PCDHB6: variants seen among roughly 807,000 people sequenced by gnomAD.
PCDHB6 encodes protocadherin beta 6.
For synonymous variants in PCDHB6, 506 were observed against 459.0 expected (o/e 1.10, Z -1.31); for missense variants, 1,137 against 1,010.1 (o/e 1.13, Z -1.70).
At position 141,151,076 on chromosome 5, in the gene PCDHB6, T is replaced by C; in HGVS notation, c.819T>C (p.Phe273=). 6.2e-7 allele frequency: 1 copy of C among 1,614,246 alleles called. No individual in the cohort carries two copies. Among genetic ancestry groups the C allele is most frequent in the Non-Finnish European group, 8.5e-7 (1 of 1,180,044 alleles). ...VSARDLDAGS[F]GKVSYALFQV... is the part of the protein sequence containing the mutation. ...CCAGAGATTTAGATGCAGGATCGTTTGGGAAGGTATCTTACGCCCTGTTTC... is the reference window on the plus strand; with the variant it reads ...CCAGAGATTTAGATGCAGGATCGTTCGGGAAGGTATCTTACGCCCTGTTTC... The change falls in exon 1 of 1, where the codon TTT becomes TTC. Residue 273 remains phenylalanine (F), a synonymous_variant. Coordinates refer to ENST00000231136, the MANE Select transcript of PCDHB6 (RefSeq NM_018939.4).
At position 141,152,331 on chromosome 5, in the gene PCDHB6, T is replaced by C. The variant is rs782278122; in HGVS notation, c.2074T>C (p.Leu692=). The change falls in exon 1 of 1, where the codon TTG becomes CTG. Residue 692 remains leucine (L), a synonymous_variant. Coordinates refer to ENST00000231136, the MANE Select transcript of PCDHB6 (RefSeq NM_018939.4). The part of the protein sequence containing the change: ...DSLTVYLVVA[L]ASVSSLFLFS... ...TCTCACCGTCTACCTGGTGGTGGCG[T>C]TGGCCTCGGTGTCGTCGCTCTTCCT... 1 of 1,609,338 alleles carries C rather than the reference T, an allele frequency of 6.2e-7. No homozygotes were observed. The highest frequency in any genetic ancestry group is 8.5e-7 in the Non-Finnish European group (1 of 1,179,830).
At position 141,151,509 on chromosome 5, in the gene PCDHB6, AC is replaced by A. The variant is rs1456389248; in HGVS notation, c.1253del (p.Thr418IlefsTer12). ...AGAGAGCAGAGCCGAGTACAACATC[AC>A]TATCACGGTCACTGATTTGGGGACA... Reference protein sequence around the residue: ...DRESRAEYNITITVTDLGTPR... With the variant: ...DRESRAEYNIXITVTDLGTPR... On this transcript the variant is annotated frameshift_variant, in exon 1 of 1. Coordinates refer to ENST00000231136, the MANE Select transcript of PCDHB6 (RefSeq NM_018939.4). LOFTEE classifies it low-confidence loss of function (END_TRUNC). The A allele has an allele frequency of 1.2e-6, 2 of 1,614,150 alleles. No individual in the cohort carries two copies. Among genetic ancestry groups the A allele is most frequent in the East Asian group, 4.5e-5 (2 of 44,882 alleles).
rs1437735632 is a variant in PCDHB6 at position 141,152,138 on chromosome 5, G to A, written c.1881G>A (p.Leu627=). The change falls in exon 1 of 1, where the codon CTG becomes CTA. Residue 627 remains leucine (L), a synonymous_variant. Coordinates refer to ENST00000231136, the MANE Select transcript of PCDHB6 (RefSeq NM_018939.4). The part of the protein sequence containing the change: ...AHNGEVRTAR[L]LSERDAAKHR... ...ATGGCGAGGTGCGCACCGCCAGGCTGCTGAGCGAGCGAGACGCAGCCAAGC... is the reference window on the plus strand; with the variant it reads ...ATGGCGAGGTGCGCACCGCCAGGCTACTGAGCGAGCGAGACGCAGCCAAGC... 4 of 1,607,584 alleles carry A rather than the reference G, an allele frequency of 2.5e-6. No homozygotes were observed. Among genetic ancestry groups the A allele is most frequent in the Non-Finnish European group, 2.5e-6 (3 of 1,179,716 alleles).
At position 141,152,782 on chromosome 5, in the gene PCDHB6, T is replaced by C. The variant is rs1554278108; in HGVS notation, c.*140T>C. Reference sequence around the variant, plus strand: ...AAAGTAAGATACTGGTATCTTAGTATTTCCTGTTCATGCTTAGTAGTTTAT... The same window carrying C: ...AAAGTAAGATACTGGTATCTTAGTACTTCCTGTTCATGCTTAGTAGTTTAT... On this transcript the variant is annotated 3_prime_UTR_variant, in exon 1 of 1. Transcript: ENST00000231136. The C allele has an allele frequency of 2.7e-6, 2 of 730,254 alleles. No homozygotes were observed. The allele number at this position is 730,254 out of a possible 1,614,324, so 45.2% of individuals were successfully genotyped here. A position where few individuals can be genotyped will look rare whatever the true frequency, so the allele number is the denominator to read the frequency against.
rs782043599 is a variant in PCDHB6 at position 141,151,389 on chromosome 5, C to A, written c.1132C>A (p.Gln378Lys). Reference protein sequence around the residue: ...VSDADSGHNQQVICSIENNLP... With the variant: ...VSDADSGHNQKVICSIENNLP... Reference sequence around the variant, plus strand: ...AGATGCAGACTCTGGACATAACCAACAGGTTATTTGTTCAATAGAGAACAA... The same window carrying A: ...AGATGCAGACTCTGGACATAACCAAAAGGTTATTTGTTCAATAGAGAACAA... Residue 378 changes from glutamine to lysine, a missense_variant, in exon 1 of 1, where the codon CAG becomes AAG. Physicochemically the swap from Gln to Lys is moderately conservative, Grantham distance 53. Transcript: ENST00000231136. 4 of 1,614,024 alleles carry A rather than the reference C, an allele frequency of 2.5e-6. No homozygotes were observed. The highest frequency in any genetic ancestry group is 2.7e-5 in the African/African-American group (2 of 74,916).
Position 141,150,642 on chromosome 5 carries a change from G to C in PCDHB6, c.385G>C (p.Ala129Pro), listed in dbSNP as rs782350726. Residue 129 changes from alanine to proline, a missense_variant, in exon 1 of 1, where the codon GCC (alanine) becomes CCC (proline). Transcript: ENST00000231136. ...GCGAGTCAGAGATATAAATGACCACGCCCCGGAATTCCCTGCCAGAGAAAT... is the reference window on the plus strand; with the variant it reads ...GCGAGTCAGAGATATAAATGACCACCCCCCGGAATTCCCTGCCAGAGAAAT... The part of the protein sequence containing the change: ...SLRVRDINDH[A>P]PEFPAREMLL... The C allele has an allele frequency of 6.2e-7, 1 of 1,614,066 alleles. No homozygotes were observed. Among genetic ancestry groups the C allele is most frequent in the Non-Finnish European group, 8.5e-7 (1 of 1,180,020 alleles).
At position 141,152,354 on chromosome 5, in the gene PCDHB6, C is replaced by G; in HGVS notation, c.2097C>G (p.Phe699Leu). The G allele has an allele frequency of 6.2e-7, 1 of 1,610,722 alleles. No individual in the cohort carries two copies. The highest frequency in any genetic ancestry group is 8.5e-7 in the Non-Finnish European group (1 of 1,179,886). Residue 699 changes from phenylalanine to leucine, a missense_variant, in exon 1 of 1, where the codon TTC (phenylalanine) becomes TTG (leucine). Coordinates refer to ENST00000231136, the MANE Select transcript of PCDHB6 (RefSeq NM_018939.4). ...CGTTGGCCTCGGTGTCGTCGCTCTT[C>G]CTCTTTTCGGTGCTCCTGTTCGTGG... ...VVALASVSSLFLFSVLLFVAV... is the reference protein window; with the variant it reads ...VVALASVSSLLLFSVLLFVAV...
In PCDHB6 at chr5:141,151,758, C is replaced by T. The variant is rs782751582; in HGVS notation, c.1501C>T (p.Leu501=). 7 of 1,613,398 alleles carry T rather than the reference C, an allele frequency of 4.3e-6. No individual in the cohort carries two copies. Among genetic ancestry groups the T allele is most frequent in the Non-Finnish European group, 5.9e-6 (7 of 1,180,030 alleles). Residue 501 remains leucine (L), a synonymous_variant, in exon 1 of 1, where the codon CTG becomes TTG. Coordinates refer to ENST00000231136, the MANE Select transcript of PCDHB6 (RefSeq NM_018939.4). The part of the protein sequence containing the change: ...PQDPHLPLSS[L]VSINADNGHL... ...GGACCCGCACCTGCCCCTCTCTTCC[C>T]TGGTCTCCATCAACGCGGACAACGG...
In PCDHB6 at chr5:141,150,902, T is replaced by G; in HGVS notation, c.645T>G (p.Asp215Glu). 6.2e-7 allele frequency: 1 copy of G among 1,614,166 alleles called. No homozygotes were observed. Among genetic ancestry groups the G allele is most frequent in the Non-Finnish European group, 8.5e-7 (1 of 1,180,024 alleles). Reference sequence around the variant, plus strand: ...TCAGGCTAACGCTGATCGCGCTGGATGGCGGGTCTCCGCCCCGGTCAGGGA... The same window carrying G: ...TCAGGCTAACGCTGATCGCGCTGGAGGGCGGGTCTCCGCCCCGGTCAGGGA... ...PQLRLTLIAL[D>E]GGSPPRSGTS... Residue 215 changes from aspartate (D) to glutamate (E), a missense_variant, in exon 1 of 1, where the codon GAT becomes GAG. Asp to Glu is a conservative substitution (Grantham distance 45). Transcript: ENST00000231136.
chr5:141,152,059 C>A lies in PCDHB6; in HGVS notation c.1802C>A (p.Ser601Ter), dbSNP rs373141144. Reference protein sequence around the residue: ...DGDSGQNAWLSYQLLKATELG... With the variant: ...DGDSGQNAWL ...GACTCGGGCCAGAACGCCTGGCTGT[C>A]GTACCAGCTGCTCAAGGCCACGGAG... Residue 601 changes from serine to a stop codon, truncating the protein, a stop_gained, in exon 1 of 1, where the codon TCG becomes TAG. Coordinates refer to ENST00000231136, the MANE Select transcript of PCDHB6 (RefSeq NM_018939.4). LOFTEE classifies it low-confidence loss of function (END_TRUNC). The A allele has an allele frequency of 1.5e-5, 24 of 1,607,066 alleles. No individual in the cohort carries two copies. The highest frequency in any genetic ancestry group is 6.7e-5 in the Admixed American group (4 of 59,954).
chr5:141,152,715 C>CTTGTTTA lies in PCDHB6; in HGVS notation c.*76_*82dup. 7.4e-7 allele frequency: 1 copy of CTTGTTTA among 1,343,306 alleles called. No homozygotes were observed. Among genetic ancestry groups the CTTGTTTA allele is most frequent in the Non-Finnish European group, 1.0e-6 (1 of 992,774 alleles). 83.2% of individuals were successfully genotyped at this position (1,343,306 alleles called of 1,614,324 possible). The stretch of plus-strand genomic sequence containing the variant: ...TAACTTAAAGTTACATGGTCTGTTT[C>CTTGTTTA]TTGTTTATTTTACCTCTATTCTTTA... On this transcript the variant is annotated 3_prime_UTR_variant, in exon 1 of 1. Coordinates refer to ENST00000231136, the MANE Select transcript of PCDHB6 (RefSeq NM_018939.4).
In PCDHB6 at chr5:141,152,743, T is replaced by A; in HGVS notation, c.*101T>A. On this transcript the variant is annotated 3_prime_UTR_variant, in exon 1 of 1. Transcript: ENST00000231136. ...GTTTATTTTACCTCTATTCTTTAGG[T>A]TGAAATTTTATATAAAGTAAGATAC... 9.1e-7 allele frequency: 1 copy of A among 1,100,002 alleles called. No homozygotes were observed. Among genetic ancestry groups the A allele is most frequent in the Non-Finnish European group, 1.3e-6 (1 of 787,078 alleles). 68.1% of individuals were successfully genotyped at this position (1,100,002 alleles called of 1,614,324 possible). A position where few individuals can be genotyped will look rare whatever the true frequency, so the allele number is the denominator to read the frequency against.
At position 141,152,089 on chromosome 5, in the gene PCDHB6, G is replaced by T; in HGVS notation, c.1832G>T (p.Gly611Val). ...CAGCTGCTCAAGGCCACGGAGCTCG[G>T]TCTGTTCGGCGTGTGGGCGCACAAT... Reference protein sequence around the residue: ...SYQLLKATELGLFGVWAHNGE... With the variant: ...SYQLLKATELVLFGVWAHNGE... Residue 611 changes from glycine to valine, a missense_variant, in exon 1 of 1, where the codon GGT becomes GTT. By Grantham distance (109) the Gly-to-Val change is moderately radical (BLOSUM62 -3). Transcript: ENST00000231136. 6.2e-7 allele frequency: 1 copy of T among 1,606,872 alleles called. No individual in the cohort carries two copies. The highest frequency in any genetic ancestry group is 8.5e-7 in the Non-Finnish European group (1 of 1,179,674).
At position 141,151,070 on chromosome 5, in the gene PCDHB6, A is replaced by G; in HGVS notation, c.813A>G (p.Gly271=). The G allele has an allele frequency of 6.2e-7, 1 of 1,614,226 alleles. No individual in the cohort carries two copies. Among genetic ancestry groups the G allele is most frequent in the Non-Finnish European group, 8.5e-7 (1 of 1,180,036 alleles). ...TCTCAGCCAGAGATTTAGATGCAGGATCGTTTGGGAAGGTATCTTACGCCC... is the reference window on the plus strand; with the variant it reads ...TCTCAGCCAGAGATTTAGATGCAGGGTCGTTTGGGAAGGTATCTTACGCCC... The part of the protein sequence containing the change: ...ITVSARDLDA[G]SFGKVSYALF... The change falls in exon 1 of 1, where the codon GGA becomes GGG. Residue 271 remains glycine (G), a synonymous_variant. Transcript: ENST00000231136.
At position 141,151,145 on chromosome 5, in the gene PCDHB6, A is replaced by G. The variant is rs782704806; in HGVS notation, c.888A>G (p.Thr296=). 2.5e-6 allele frequency: 4 copies of G among 1,614,244 alleles called. No individual in the cohort carries two copies. Among genetic ancestry groups the G allele is most frequent in the Non-Finnish European group, 2.5e-6 (3 of 1,180,048 alleles). ...VNQPFEINAI[T]GEIRLRKALD... ...AACCCTTCGAAATAAACGCAATCAC[A>G]GGAGAAATTCGGCTGAGAAAGGCTT... The change falls in exon 1 of 1, where the codon ACA becomes ACG. Residue 296 remains threonine (T), a synonymous_variant. Coordinates refer to ENST00000231136, the MANE Select transcript of PCDHB6 (RefSeq NM_018939.4).
In PCDHB6 at chr5:141,152,571, T is replaced by G. The variant is rs1752915775; in HGVS notation, c.2314T>G (p.Phe772Val). 1 of 1,613,814 alleles carries G rather than the reference T, an allele frequency of 6.2e-7. No individual in the cohort carries two copies. Among genetic ancestry groups the G allele is most frequent in the African/African-American group, 1.3e-5 (1 of 74,748 alleles). ...FKFLKPIMPN[F>V]PPQGTEREME... Reference sequence around the variant, plus strand: ...GTTCCTGAAGCCGATTATGCCCAACTTCCCTCCTCAGGGCACTGAGAGAGA... The same window carrying G: ...GTTCCTGAAGCCGATTATGCCCAACGTCCCTCCTCAGGGCACTGAGAGAGA... The change falls in exon 1 of 1, where the codon TTC (phenylalanine) becomes GTC (valine). Residue 772 changes from phenylalanine to valine, a missense_variant. By Grantham distance (50) the Phe-to-Val change is conservative. Transcript: ENST00000231136.
chr5:141,151,457 C>T lies in PCDHB6; in HGVS notation c.1200C>T (p.Thr400=). 1.2e-6 allele frequency: 2 copies of T among 1,614,144 alleles called. No homozygotes were observed. The highest frequency in any genetic ancestry group is 1.7e-6 in the Non-Finnish European group (2 of 1,180,038). The change falls in exon 1 of 1, where the codon ACC becomes ACT. Residue 400 remains threonine, a synonymous_variant. Coordinates refer to ENST00000231136, the MANE Select transcript of PCDHB6 (RefSeq NM_018939.4). The part of the protein sequence containing the change: ...LLRPSVENFY[T]LVTEGALDRE... ...GACCTTCCGTGGAGAATTTCTACACCCTGGTAACAGAAGGCGCGCTGGACA... is the reference window on the plus strand; with the variant it reads ...GACCTTCCGTGGAGAATTTCTACACTCTGGTAACAGAAGGCGCGCTGGACA...
rs1554278087 is a variant in PCDHB6, at chr5:141,152,679, G to C, written c.*37G>C. ...TTTTACTAAATCTTACTTATGTTTG[G>C]AGATCTCTTTTAACTTAAAGTTACA... On this transcript the variant is annotated 3_prime_UTR_variant, in exon 1 of 1. Transcript: ENST00000231136. The C allele has an allele frequency of 3.3e-6, 5 of 1,508,464 alleles. No individual in the cohort carries two copies. In the Admixed American group the frequency reaches 1.1e-4, roughly 32 times the overall value. The allele number at this position is 1,508,464 out of a possible 1,614,324, so 93.4% of individuals were successfully genotyped here.
Position 141,151,079 on chromosome 5 carries a change from G to A in PCDHB6, c.822G>A (p.Gly274=), listed in dbSNP as rs1752846695. The change falls in exon 1 of 1, where the codon GGG becomes GGA. Residue 274 remains glycine (G), a synonymous_variant. Transcript: ENST00000231136. ...GAGATTTAGATGCAGGATCGTTTGG[G>A]AAGGTATCTTACGCCCTGTTTCAAG... is the stretch of plus-strand genomic sequence containing the variant. ...SARDLDAGSF[G]KVSYALFQVD... The A allele has an allele frequency of 6.2e-7, 1 of 1,614,122 alleles. No homozygotes were observed. The highest frequency in any genetic ancestry group is 1.3e-5 in the African/African-American group (1 of 74,934).
Sources: allele counts gnomAD v4.1 joint callset, GRCh38; gene constraint gnomAD v4.1.1; transcripts MANE v1.5; gene names NCBI Gene and HGNC (gene_info 2026-07-23, HGNC 2026-07-21).